Variants in DST observed in about 807,000 individuals in gnomAD.
DST encodes dystonin.
In DST, 253 loss-of-function variants were observed where a neutral mutation model predicts 875.2. That is an observed-to-expected ratio of 0.29 (90% confidence interval 0.26 to 0.32). The LOEUF (loss-of-function observed/expected upper bound fraction) is 0.32. Ranked by LOEUF, DST falls within the 10% of genes least tolerant of loss-of-function variation. The pLI is 1.00. For synonymous variants in DST, 3,124 were observed against 3,197.1 expected (o/e 0.98, Z 0.77); for missense variants, 8,287 against 9,111.6 (o/e 0.91, Z 3.68).
At position 56,840,733 on chromosome 6, in the gene DST, C is replaced by T. The variant is rs533807111; in HGVS notation, c.625+10664G>A. Among the ~76,000 whole-genome samples the T allele has an allele frequency of 1.1e-4, 16 of 152,282 alleles. No homozygotes were observed. In the East Asian group the frequency reaches 2.9e-3, roughly 28 times the overall value. ...TTTCTACAGAGTCTGATTTGAACTC[C>T]TCTCAAGGCTGTCTGAAGACTAGAC... On this transcript the variant is annotated intron_variant, in intron 4 of 103. Coordinates refer to ENST00000680361, the MANE Select transcript of DST (RefSeq NM_001374736.1).
At position 56,759,864 on chromosome 6, in the gene DST, C is replaced by T. The variant is rs548828643; in HGVS notation, c.626-24575G>A. ...GGCAAGGCAAAGAGCACTCCTTCCA[C>T]CTGCCATTCTTGTCCTCTAAGCAAA... On this transcript the variant is annotated intron_variant, in intron 4 of 103. Coordinates refer to ENST00000680361, the MANE Select transcript of DST (RefSeq NM_001374736.1). 3.3e-5 allele frequency among the ~76,000 whole-genome samples: 5 copies of T among 152,320 alleles called. No homozygotes were observed. In the East Asian group the frequency reaches 9.6e-4, roughly 29 times the overall value.
At chr6:56,726,669 A>G (rs1182110581) in intron 5 of DST, among the ~76,000 whole-genome samples, 1 of 152,214 alleles carries the variant, frequency 6.6e-6, no homozygotes, top group East Asian at 1.9e-4. Flanking sequence ...TTTTAGCTTT[A>G]TAAGAAGAAA....
intron 3 of DST, chr6:56,871,143 T>C: frequency 1.6e-6 from 1 of 643,976 alleles, no homozygotes; most frequent in Non-Finnish European, 2.8e-6. Context: ...TGAAAAAATG[T>C]GTGGGGCTCT....
At chr6:56,482,481 A>G (rs997911541) in intron 89 of DST, 15 of 558,272 alleles carry the variant, frequency 2.7e-5, no homozygotes, top group Non-Finnish European at 4.5e-5. Context: ...GTATGTGAAG[A>G]TTAGAATGCC....
rs778678012 is a variant in DST at position 56,900,475 on chromosome 6, G to A, written c.363C>T (p.Ser121=). The A allele has an allele frequency of 1.0e-5, 14 of 1,367,682 alleles. No individual in the cohort carries two copies. Among genetic ancestry groups the A allele is most frequent in the Non-Finnish European group, 1.4e-5 (14 of 1,021,862 alleles). 84.7% of individuals were successfully genotyped at this position (1,367,682 alleles called of 1,614,324 possible). A position where few individuals can be genotyped will look rare whatever the true frequency, so the allele number is the denominator to read the frequency against. Residue 121 remains serine, a synonymous_variant, in exon 3 of 104, where the codon AGC becomes AGT. Transcript: ENST00000680361. ...SVRKRRIKKS[S]RVQPEFYHSV... Reference sequence around the variant, plus strand: ...AGTGATAAAATTCTGGCTGGACTCGGCTGCTCTTCTTGATTCTTCGTTTCC... The same window carrying A: ...AGTGATAAAATTCTGGCTGGACTCGACTGCTCTTCTTGATTCTTCGTTTCC...
chr6:56,490,855 G>T (rs1027507507), intron 85 of DST, among the ~76,000 whole-genome samples: 5 of 152,158 alleles, frequency 3.3e-5, no homozygotes, highest in Non-Finnish European at 7.4e-5. Flanking sequence ...CATATAAATA[G>T]AGGAAATGCT....
intron 3 of DST, among the ~76,000 whole-genome samples, chr6:56,858,638 G>T (rs1478643370): frequency 6.6e-6 from 1 of 152,122 alleles, no homozygotes; most frequent in African/African-American, 2.4e-5. Flanking sequence ...GAATAATGCT[G>T]CAATGACTAT....
rs1312232734 is a variant in DST, at chr6:56,696,899, C to T, written c.1047+2754G>A. ...CTTCTCCAAATTTTTATCCTTAGTG[C>T]TCCATCTCTTCTCCATCTGTGCTCT... On this transcript the variant is annotated intron_variant, in intron 9 of 103. Transcript: ENST00000680361. 3.3e-5 allele frequency among the ~76,000 whole-genome samples: 5 copies of T among 152,124 alleles called. No homozygotes were observed. In the South Asian group the frequency reaches 6.2e-4, roughly 19 times the overall value.
chr6:56,712,587 A>G (rs2099376567), intron 5 of DST, among the ~76,000 whole-genome samples: 1 of 152,238 alleles, frequency 6.6e-6, no homozygotes, highest in Non-Finnish European at 1.5e-5. Flanking sequence ...TCTGTGTGCC[A>G]TGACTTAAAA....
intron 4 of DST, among the ~76,000 whole-genome samples, chr6:56,781,589 C>T (rs1213622761): frequency 6.6e-6 from 1 of 152,184 alleles, no homozygotes. Flanking sequence ...TGAGACTTTG[C>T]TGAAGTTGCT....
At chr6:56,615,135 C>G in intron 36 of DST, 2 of 1,062,422 alleles carry the variant, frequency 1.9e-6, no homozygotes, top group Non-Finnish European at 2.3e-6. Context: ...TGCTTCATGA[C>G]GTGCTCTTTC....
intron 4 of DST, among the ~76,000 whole-genome samples, chr6:56,807,073 C>T (rs183368447): frequency 5.9e-5 from 9 of 152,074 alleles, no homozygotes; most frequent in African/African-American, 1.9e-4. Context: ...TTTTTTGAGA[C>T]AGGGTCTCGC....
intron 63 of DST, among the ~76,000 whole-genome samples, 168 bp downstream of exon 63, chr6:56,534,954 T>C (rs959559952): frequency 1.3e-5 from 2 of 152,220 alleles, no homozygotes; most frequent in Non-Finnish European, 2.9e-5. Flanking sequence ...GCCTGGCCCA[T>C]GGTAGATGTT....
chr6:56,630,127 A>G lies in DST; in HGVS notation c.4281+118T>C, dbSNP rs936692295. The G allele has an allele frequency of 3.8e-6, 3 of 782,674 alleles. No individual in the cohort carries two copies. The African/African-American group carries it at 5.2e-5, about 13-fold the overall frequency. 48.5% of individuals were successfully genotyped at this position (782,674 alleles called of 1,614,324 possible). A position where few individuals can be genotyped will look rare whatever the true frequency, so the allele number is the denominator to read the frequency against. Reference sequence around the variant, plus strand: ...AAACTGTGAGATCACAGAGACACAAATGGAATAAATCCATTCAAAAATCCA... The same window carrying G: ...AAACTGTGAGATCACAGAGACACAAGTGGAATAAATCCATTCAAAAATCCA... On this transcript the variant is annotated intron_variant, in intron 31 of 103. Coordinates refer to ENST00000680361, the MANE Select transcript of DST (RefSeq NM_001374736.1).
In DST at chr6:56,639,370, G is replaced by T. The variant is rs551470170; in HGVS notation, c.2860-7C>A. 6.2e-7 allele frequency: 1 copy of T among 1,612,638 alleles called. No homozygotes were observed. The highest frequency in any genetic ancestry group is 1.1e-5 in the South Asian group (1 of 91,036). On this transcript the variant is annotated splice_region_variant and splice_polypyrimidine_tract_variant and intron_variant, in intron 21 of 103. Transcript: ENST00000680361. ...CAAGTTCTCTCATTAATTCCTTCAA[G>T]AAATAATTAAGAAGTGTGTTAGAAA...
Position 56,552,211 on chromosome 6 carries a change from T to C in DST, c.16581A>G (p.Thr5527=). The C allele has an allele frequency of 2.5e-6, 4 of 1,612,720 alleles. No individual in the cohort carries two copies. The highest frequency in any genetic ancestry group is 3.4e-6 in the Non-Finnish European group (4 of 1,179,318). The change falls in exon 61 of 104, where the codon ACA becomes ACG. Residue 5527 remains threonine, a synonymous_variant. Transcript: ENST00000680361. ...TGAACATGTTAAGCTGCTGATTAAT[T>C]GTCTCCGTTTCCATACCAACAGGAC... The part of the protein sequence containing the change: ...SQGPVGMETE[T]INQQLNMFKV...
intron 94 of DST, 59 bp from the exon 95 acceptor site, chr6:56,471,327 C>A: frequency 7.9e-7 from 1 of 1,264,686 alleles, no homozygotes; most frequent in Non-Finnish European, 1.1e-6. Context: ...GTAGACTATA[C>A]TATATGAATA....
Position 56,888,138 on chromosome 6 carries a change from AC to A in DST, c.417+12282del, listed in dbSNP as rs1785517718. Among the ~76,000 whole-genome samples, 3 of 151,886 alleles carry A rather than the reference AC, an allele frequency of 2.0e-5. No individual in the cohort carries two copies. In the South Asian group the frequency reaches 6.3e-4, roughly 32 times the overall value. On this transcript the variant is annotated intron_variant, in intron 3 of 103. Transcript: ENST00000680361. ...GCTAAGTTTTGTATTTTTAGTAGAG[AC>A]GGGTTTCACCATGTTGGCTGGGATG...
intron 4 of DST, among the ~76,000 whole-genome samples, chr6:56,849,633 T>C (rs1321814154): frequency 2.0e-5 from 3 of 152,160 alleles, no homozygotes; most frequent in Non-Finnish European, 4.4e-5. Flanking sequence ...TTCAATATCT[T>C]CCCCACCTGC....
Sources: allele counts gnomAD v4.1 joint callset (sites outside exome capture counted in the v4.1 genomes callset), GRCh38; gene constraint gnomAD v4.1.1; transcripts MANE v1.5; gene names NCBI Gene and HGNC (gene_info 2026-07-23, HGNC 2026-07-21).